The following OSBPL1A variants were observed in gnomAD, a reference collection of about 807,000 sequenced individuals.
OSBPL1A encodes oxysterol-binding protein-related protein 1.
A neutral mutation model predicts 137.1 loss-of-function variants in OSBPL1A; 80 were observed. The ratio of observed to expected loss-of-function variants is 0.58; its 90% CI spans 0.49 to 0.70. The LOEUF (loss-of-function observed/expected upper bound fraction) is 0.70. OSBPL1A is among the 30% of genes least tolerant of loss of function. OSBPL1A has a pLI of 0.00. For synonymous variants in OSBPL1A, 365 were observed against 389.7 expected (o/e 0.94, Z 0.75); for missense variants, 970 against 1,129.4 (o/e 0.86, Z 2.02).
intron 15 of OSBPL1A, among the ~76,000 whole-genome samples, chr18:24,251,045 C>G (rs926934079): frequency 1.3e-5 from 2 of 152,130 alleles, no homozygotes; most frequent in East Asian, 3.9e-4. Flanking sequence ...GAGGGAAGAG[C>G]GGGAAGGACT....
chr18:24,232,517 T>C (rs1940541524), intron 16 of OSBPL1A, among the ~76,000 whole-genome samples: 1 of 152,192 alleles, frequency 6.6e-6, no homozygotes, highest in African/African-American at 2.4e-5. Context: ...GCACATGTAA[T>C]GGAACATGAG....
intron 15 of OSBPL1A, among the ~76,000 whole-genome samples, chr18:24,248,019 T>C (rs982216395): frequency 6.6e-6 from 1 of 152,124 alleles, no homozygotes; most frequent in Non-Finnish European, 1.5e-5. Flanking sequence ...ATAATGTTCT[T>C]GACTTTGTCA....
At chr18:24,369,868 G>T (rs1022421220) in intron 2 of OSBPL1A, among the ~76,000 whole-genome samples, 1 of 152,134 alleles carries the variant, frequency 6.6e-6, no homozygotes, top group Non-Finnish European at 1.5e-5. Flanking sequence ...TTCTTCAGGT[G>T]GGGTCCCCCA....
intron 18 of OSBPL1A, among the ~76,000 whole-genome samples, chr18:24,183,986 C>T (rs1280769333): frequency 6.6e-6 from 1 of 152,152 alleles, no homozygotes; most frequent in Non-Finnish European, 1.5e-5. Context: ...GTTCCCTCAT[C>T]AATAAGTACT....
intron 7 of OSBPL1A, among the ~76,000 whole-genome samples, chr18:24,326,077 GA>G (rs903168057): frequency 6.6e-6 from 1 of 150,694 alleles, no homozygotes; most frequent in East Asian, 1.9e-4. Flanking sequence ...AAGAAAAAAA[GA>G]AAAAAAGACT....
intron 14 of OSBPL1A, among the ~76,000 whole-genome samples, chr18:24,296,467 CCT>C (rs1208380158): frequency 6.6e-6 from 1 of 152,002 alleles, no homozygotes; most frequent in Non-Finnish European, 1.5e-5. Flanking sequence ...AGTTTGACTT[CCT>C]CTTTTCCACA....
chr18:24,295,607 T>C (rs982692127), intron 14 of OSBPL1A, among the ~76,000 whole-genome samples: 8 of 152,322 alleles, frequency 5.3e-5, no homozygotes, highest in Middle Eastern at 3.4e-3. Flanking sequence ...GGATCCAGTT[T>C]CATTCTTATA....
At chr18:24,358,583 T>C (rs1185835249) in intron 4 of OSBPL1A, 8 of 697,690 alleles carry the variant, frequency 1.1e-5, no homozygotes, top group Non-Finnish European at 1.8e-5. Flanking sequence ...TGTCAAGTTG[T>C]CTGGGCATCG....
intron 15 of OSBPL1A, among the ~76,000 whole-genome samples, chr18:24,248,606 T>C (rs2088977658): frequency 6.6e-6 from 1 of 152,258 alleles, no homozygotes; most frequent in African/African-American, 2.4e-5. Context: ...ATGGCCTCAA[T>C]GAAGCTTGTT....
At chr18:24,209,570 T>A (rs1409857577) in intron 17 of OSBPL1A, among the ~76,000 whole-genome samples, 3 of 152,206 alleles carry the variant, frequency 2.0e-5, no homozygotes, top group Non-Finnish European at 4.4e-5. Context: ...TGCAGAATGG[T>A]ATCTAGAAGA....
rs1043369707 is a variant in OSBPL1A, at chr18:24,197,786, CTTTTTT to C, written c.1602-1592_1602-1587del. Among the ~76,000 whole-genome samples, 805 of 122,788 alleles carry C rather than the reference CTTTTTT, an allele frequency of 6.6e-3. 3 individuals are homozygous for C. The highest frequency in any genetic ancestry group is 9.0e-3 in the Non-Finnish European group (531 of 58,968). The allele number at this position is 122,788 out of a possible 152,430, so 80.6% of individuals were successfully genotyped here. On this transcript the variant is annotated intron_variant, in intron 17 of 27. Transcript: ENST00000319481. ...TCCATCTATTTTGTTCTTTTCTTTT[CTTTTTT>C]TTTTTTTTTTTTGAGATGGACTTTC...
intron 16 of OSBPL1A, among the ~76,000 whole-genome samples, chr18:24,233,612 A>G (rs879753191): frequency 8.5e-5 from 13 of 152,056 alleles, no homozygotes; most frequent in South Asian, 4.1e-4. Flanking sequence ...TATGGTCCCT[A>G]TTATATTTTT....
intron 21 of OSBPL1A, 136 bp from the exon 22 acceptor site, chr18:24,172,619 T>C (rs2086317949): frequency 1.8e-6 from 1 of 560,220 alleles, no homozygotes; most frequent in Non-Finnish European, 3.1e-6. Flanking sequence ...CCTTTAAAAA[T>C]TCTATTGATG....
rs1485414327 is a variant in OSBPL1A, at chr18:24,317,401, C to T, written c.733-1G>A. The T allele has an allele frequency of 5.6e-6, 9 of 1,611,998 alleles. No individual in the cohort carries two copies. The highest frequency in any genetic ancestry group is 5.9e-6 in the Non-Finnish European group (7 of 1,178,498). On this transcript the variant is annotated splice_acceptor_variant, in intron 9 of 27. Coordinates refer to ENST00000319481, the MANE Select transcript of OSBPL1A (RefSeq NM_080597.4). LOFTEE classifies it high-confidence loss of function. ...ATCTCCAGCCAAAAAATCTTGAACT[C>T]TAAGGGAAAAATAACAAAGATTTCC...
At chr18:24,277,638 A>G (rs186743020) in intron 15 of OSBPL1A, among the ~76,000 whole-genome samples, 135 of 152,328 alleles carry the variant, frequency 8.9e-4, no homozygotes, top group African/African-American at 3.2e-3. Flanking sequence ...TCTTTTAATA[A>G]AATTTCCAGA....
chr18:24,331,767 A>G (rs1240684571), intron 7 of OSBPL1A, among the ~76,000 whole-genome samples: 1 of 152,178 alleles, frequency 6.6e-6, no homozygotes, highest in Non-Finnish European at 1.5e-5. Flanking sequence ...TGTCTTTCAA[A>G]TTGTCACACA....
At position 24,239,290 on chromosome 18, in the gene OSBPL1A, C is replaced by T; in HGVS notation, c.1374G>A (p.Glu458=). 6.2e-7 allele frequency: 1 copy of T among 1,614,098 alleles called. No individual in the cohort carries two copies. The highest frequency in any genetic ancestry group is 8.5e-7 in the Non-Finnish European group (1 of 1,179,996). The change falls in exon 16 of 28, where the codon GAG becomes GAA. Residue 458 remains glutamate, a synonymous_variant. Coordinates refer to ENST00000319481, the MANE Select transcript of OSBPL1A (RefSeq NM_080597.4). ...ETLATEHHEL[E]QSLVKGSPPA... ...GTGGAGAGCCTTTCACCAGAGACTG[C>T]TCTAATTCATGATGTTCAGTGGCCA...
intron 14 of OSBPL1A, among the ~76,000 whole-genome samples, chr18:24,295,907 G>A (rs1014426203): frequency 6.6e-6 from 1 of 151,636 alleles, no homozygotes; most frequent in African/African-American, 2.4e-5. Context: ...GGTAACTAGA[G>A]CTCTGCAGTA....
rs771037779 is a variant in OSBPL1A at position 24,196,125 on chromosome 18, C to T, written c.1677G>A (p.Met559Ile). Residue 559 changes from methionine (M) to isoleucine (I), a missense_variant and splice_region_variant, in exon 18 of 28, where the codon ATG (methionine) becomes ATA (isoleucine). Met to Ile is a conservative substitution (Grantham distance 10). This residue lies in a region of OSBPL1A where 647 missense variants were observed against 672.6 expected (regional missense o/e 0.96). Coordinates refer to ENST00000319481, the MANE Select transcript of OSBPL1A (RefSeq NM_080597.4). ...IWSILRKCIG[M>I]ELSKITMPVI... Reference sequence around the variant, plus strand: ...TCATATGACAAAACCATTAATTTACCATTCCAATACATTTTCTGAGGATGC... The same window carrying T: ...TCATATGACAAAACCATTAATTTACTATTCCAATACATTTTCTGAGGATGC... 1.9e-6 allele frequency: 3 copies of T among 1,604,688 alleles called. No individual in the cohort carries two copies. In the Admixed American group the frequency reaches 5.0e-5, roughly 27 times the overall value.
Sources: allele counts gnomAD v4.1 joint callset (sites outside exome capture counted in the v4.1 genomes callset), GRCh38; gene constraint gnomAD v4.1.1; regional missense constraint gnomAD v4.1.1; transcripts MANE v1.5; gene names NCBI Gene and HGNC (gene_info 2026-07-23, HGNC 2026-07-21).